The following AIFM1 variants were observed in gnomAD, a reference collection of about 807,000 sequenced individuals.
AIFM1 encodes the protein apoptosis inducing factor mitochondria associated 1.
AIFM1 carries 3 observed loss-of-function variants against 51.7 expected under a neutral mutation model. The observed-to-expected ratio is 0.06, with a 90% CI of 0.03 to 0.15. The LOEUF is 0.15. AIFM1 is among the 10% of genes least tolerant of loss of function. AIFM1 has a pLI of 1.00. For missense variants in AIFM1, 330 were observed against 476.8 expected (o/e 0.69, Z 2.87); for synonymous variants, 178 against 179.4 (o/e 0.99, Z 0.06).
At position 130,129,513 on chromosome X, in the gene AIFM1, C is replaced by CGAGG. The variant is rs1255302859; in HGVS notation, c.*43_*44insCCTC. 12 of 1,136,018 alleles carry CGAGG rather than the reference C, an allele frequency of 1.1e-5. No homozygotes were observed. The South Asian group carries it at 2.2e-4, about 21-fold the overall frequency. 93.6% of individuals were successfully genotyped at this position (1,136,018 alleles called of 1,213,427 possible). A position where few individuals can be genotyped will look rare whatever the true frequency, so the allele number is the denominator to read the frequency against. On this transcript the variant is annotated 3_prime_UTR_variant, in exon 16 of 16. Coordinates refer to ENST00000287295, the MANE Select transcript of AIFM1 (RefSeq NM_004208.4). Reference sequence around the variant, plus strand: ...AAATGCTCCTTTACCCATTCGACCTCCTCTCAGGGGCTGCAGTGGGTTTGC... The same window carrying CGAGG: ...AAATGCTCCTTTACCCATTCGACCTCGAGGCTCTCAGGGGCTGCAGTGGGTTTGC...
chrX:130,161,840 C>G (rs2031363928), intron 1 of AIFM1, among the ~76,000 whole-genome samples: 1 of 111,375 alleles, frequency 9.0e-6, no homozygotes, highest in South Asian at 3.7e-4. Flanking sequence ...CTTCCAACCT[C>G]AAGTGATCTG....
chrX:130,129,684 T>C, intron 15 of AIFM1, 56 bp from the exon 16 acceptor site: 2 of 1,076,824 alleles, frequency 1.9e-6, no homozygotes, highest in Non-Finnish European at 1.3e-6. Context: ...GTTCAGGCCA[T>C]GCCCACACAA....
chrX:130,146,945 A>G (rs995041093), intron 5 of AIFM1, among the ~76,000 whole-genome samples: 2 of 112,232 alleles, frequency 1.8e-5, no homozygotes, highest in African/African-American at 6.5e-5. Context: ...GCGGATCATG[A>G]GGTCAGGAGA....
chrX:130,153,210 C>A (rs2031050057), intron 2 of AIFM1, among the ~76,000 whole-genome samples: 1 of 102,799 alleles, frequency 9.7e-6, no homozygotes, highest in Admixed American at 1.0e-4. Context: ...ATTAGCCGGG[C>A]ATGGTGGCAG....
At chrX:130,153,464 T>G (rs2031066361) in intron 2 of AIFM1, among the ~76,000 whole-genome samples, 1 of 110,705 alleles carries the variant, frequency 9.0e-6, no homozygotes, top group Admixed American at 9.6e-5. Flanking sequence ...ATAGTTATAC[T>G]TAAGTTAGGA....
At chrX:130,148,523 A>G (rs1169219210) in intron 3 of AIFM1, among the ~76,000 whole-genome samples, 1 of 111,765 alleles carries the variant, frequency 8.9e-6, no homozygotes, top group Admixed American at 9.5e-5. Context: ...ACAGACTAGA[A>G]GAATTTCCTC....
At chrX:130,150,627 G>A (rs1223513286) in intron 2 of AIFM1, among the ~76,000 whole-genome samples, 5 of 105,334 alleles carry the variant, frequency 4.7e-5, no homozygotes, top group Non-Finnish European at 9.8e-5. Flanking sequence ...GAGCCACCGC[G>A]CCCGGCCTAT....
intron 9 of AIFM1, among the ~76,000 whole-genome samples, chrX:130,138,321 C>T (rs1431236936): frequency 1.8e-5 from 2 of 110,615 alleles, no homozygotes; most frequent in African/African-American, 6.6e-5. Context: ...AAAAATTAGC[C>T]AGGCGTGGTT....
chrX:130,131,604 A>T, intron 14 of AIFM1, 71 bp downstream of exon 14: 1 of 1,188,543 alleles, frequency 8.4e-7, no homozygotes, highest in Non-Finnish European at 1.1e-6. Context: ...CAATACAGAA[A>T]CCCCTTGTTC....
chrX:130,158,581 T>C (rs367727402), intron 1 of AIFM1, among the ~76,000 whole-genome samples: 2 of 110,151 alleles, frequency 1.8e-5, no homozygotes, highest in Admixed American at 9.7e-5. Context: ...GGACCACACA[T>C]TGAGAACCAT....
At chrX:130,159,892 C>G in intron 1 of AIFM1, among the ~76,000 whole-genome samples, 1 of 109,187 alleles carries the variant, frequency 9.2e-6, no homozygotes, top group Non-Finnish European at 1.9e-5. Context: ...ACAATCTCGG[C>G]TCACTGCAAC....
chrX:130,144,688 C>T (rs778307705), intron 6 of AIFM1, among the ~76,000 whole-genome samples: 3 of 111,783 alleles, frequency 2.7e-5, no homozygotes, highest in Non-Finnish European at 5.6e-5. Flanking sequence ...CAACATACTG[C>T]GCAGATCTCT....
intron 9 of AIFM1, among the ~76,000 whole-genome samples, chrX:130,138,331 T>C: frequency 9.1e-6 from 1 of 109,710 alleles, no homozygotes; most frequent in Non-Finnish European, 1.9e-5. Flanking sequence ...CAGGCGTGGT[T>C]ACAGGCGCCT....
intron 2 of AIFM1, among the ~76,000 whole-genome samples, chrX:130,154,399 A>T (rs1436238675): frequency 8.9e-6 from 1 of 112,333 alleles, no homozygotes; most frequent in African/African-American, 3.2e-5. Context: ...AAAGGCTTTA[A>T]ATCTATTTTT....
rs2029975937 is a variant in AIFM1, at chrX:130,129,639, G to A, written c.1771-11C>T. The stretch of plus-strand genomic sequence containing the variant: ...ACCGTCCTTAATGATCTGAGGGAGA[G>A]AGAGTAACAATAGGTCCCTAACTTA... On this transcript the variant is annotated splice_polypyrimidine_tract_variant and intron_variant, in intron 15 of 15. Coordinates refer to ENST00000287295, the MANE Select transcript of AIFM1 (RefSeq NM_004208.4). The A allele has an allele frequency of 4.2e-6, 5 of 1,201,952 alleles. No homozygotes were observed. The highest frequency in any genetic ancestry group is 5.6e-6 in the Non-Finnish European group (5 of 886,802).
chrX:130,142,403 T>G (rs904789451), intron 6 of AIFM1, among the ~76,000 whole-genome samples: 2 of 111,424 alleles, frequency 1.8e-5, no homozygotes, highest in African/African-American at 6.5e-5. Flanking sequence ...AACCATCTTA[T>G]GTTCTATTGT....
At chrX:130,143,465 T>C (rs2030648173) in intron 6 of AIFM1, among the ~76,000 whole-genome samples, 1 of 111,364 alleles carries the variant, frequency 9.0e-6, no homozygotes, top group African/African-American at 3.3e-5. Flanking sequence ...ATCTCCTTCA[T>C]CTTCTACCTT....
chrX:130,141,974 G>GC (rs1383315420), intron 6 of AIFM1, among the ~76,000 whole-genome samples: 1 of 111,615 alleles, frequency 9.0e-6, no homozygotes, highest in Non-Finnish European at 1.9e-5. Context: ...TAATTCCCTT[G>GC]CACCCTACTC....
rs1334093557 is a variant in AIFM1 at position 130,136,069 on chromosome X, T to C, written c.1281A>G (p.Leu427=). 1 of 1,211,900 alleles carries C rather than the reference T, an allele frequency of 8.3e-7. No individual in the cohort carries two copies. Among genetic ancestry groups the C allele is most frequent in the Non-Finnish European group, 1.1e-6 (1 of 895,537 alleles). ...DFGGFRVNAE[L]QARSNIWVAG... Reference sequence around the variant, plus strand: ...CCACCCAGATGTTAGAGCGTGCTTGTAGCTCTGCATTTACCCGGAAGCCAC... The same window carrying C: ...CCACCCAGATGTTAGAGCGTGCTTGCAGCTCTGCATTTACCCGGAAGCCAC... The change falls in exon 12 of 16, where the codon CTA becomes CTG. Residue 427 remains leucine, a synonymous_variant. Transcript: ENST00000287295.
Sources: gnomAD v4.1 joint callset for allele counts (sites outside exome capture counted in the v4.1 genomes callset) on GRCh38, gnomAD v4.1.1 for gene constraint, MANE v1.5 for transcripts, NCBI Gene and HGNC (gene_info 2026-07-23, HGNC 2026-07-21) for gene names.